Variants in ARFIP1 observed in about 807,000 individuals in gnomAD.
ARFIP1 encodes the protein ARF interacting protein 1.
A neutral mutation model predicts 42.5 loss-of-function variants in ARFIP1; 24 were observed. That is an observed-to-expected ratio of 0.57 (90% CI 0.41 to 0.80). The LOEUF is 0.80. Among genes scored for constraint, ARFIP1 ranks in the 30% least tolerant of loss-of-function variants. ARFIP1 has a pLI of 0.00. For synonymous variants in ARFIP1, 141 were observed against 153.7 expected, an observed-to-expected ratio of 0.92 and a Z score of 0.61; for missense variants, 354 against 434.0, an observed-to-expected ratio of 0.82 and a Z score of 1.64.
intron 2 of ARFIP1, among the ~76,000 whole-genome samples, chr4:152,853,534 T>C (rs995107557): frequency 6.6e-6 from 1 of 152,236 alleles, no homozygotes; most frequent in African/African-American, 2.4e-5. Context: ...GATAGTCTTA[T>C]GGGGGTTCCT....
chr4:152,905,544 T>TG (rs1738251617), intron 8 of ARFIP1, among the ~76,000 whole-genome samples: 1 of 134,068 alleles, frequency 7.5e-6, no homozygotes, highest in Non-Finnish European at 1.6e-5. Flanking sequence ...TTGTAAGAAT[T>TG]GTTTTTTTTT....
At chr4:152,852,607 A>G (rs1158971686) in intron 2 of ARFIP1, among the ~76,000 whole-genome samples, 1 of 151,886 alleles carries the variant, frequency 6.6e-6, no homozygotes, top group African/African-American at 2.4e-5. Context: ...CACTACAGCC[A>G]GGTGACAGAG....
intron 1 of ARFIP1, among the ~76,000 whole-genome samples, chr4:152,824,595 G>C (rs1413345278): frequency 1.3e-5 from 2 of 152,166 alleles, no homozygotes; most frequent in Non-Finnish European, 2.9e-5. Context: ...GCTGAACAAG[G>C]AGAAGCTGAA....
intron 8 of ARFIP1, among the ~76,000 whole-genome samples, chr4:152,889,799 A>G (rs1173935554): frequency 4.8e-5 from 5 of 104,484 alleles, no homozygotes; most frequent in Non-Finnish European, 5.4e-5. Flanking sequence ...ATTATATACT[A>G]TACTATATAC....
chr4:152,816,705 T>A (rs1352420669), intron 1 of ARFIP1, among the ~76,000 whole-genome samples: 1 of 152,242 alleles, frequency 6.6e-6, no homozygotes, highest in African/African-American at 2.4e-5. Flanking sequence ...CATCACAAAA[T>A]ATACTGTATG....
At chr4:152,787,657 A>G (rs1730888737) in intron 1 of ARFIP1, among the ~76,000 whole-genome samples, 2 of 152,272 alleles carry the variant, frequency 1.3e-5, no homozygotes, top group South Asian at 2.1e-4. Context: ...TTTGGATGGT[A>G]CAGTGTATAC....
At chr4:152,903,715 TA>T (rs1738037947) in intron 8 of ARFIP1, among the ~76,000 whole-genome samples, 1 of 152,120 alleles carries the variant, frequency 6.6e-6, no homozygotes, top group Non-Finnish European at 1.5e-5. Context: ...TCCCATGGAT[TA>T]AGTTGCATTG....
At chr4:152,861,179 G>A (rs992671898) in intron 2 of ARFIP1, among the ~76,000 whole-genome samples, 1 of 152,150 alleles carries the variant, frequency 6.6e-6, no homozygotes, top group Non-Finnish European at 1.5e-5. Flanking sequence ...TAGAGATTCA[G>A]CATGCTCTGG....
At chr4:152,795,820 ATTTTTTTTTTTTTTTTTTT>A (rs56845391) in intron 1 of ARFIP1, among the ~76,000 whole-genome samples, 58 of 28,078 alleles carry the variant, frequency 2.1e-3, no homozygotes, top group African/African-American at 8.0e-3. Flanking sequence ...GGCCCTTGTA[ATTTTTTTTTTTTTTTTTTT>A]TTTTTTTTTT....
In ARFIP1 at chr4:152,829,802, A is replaced by G. The variant is rs540170800; in HGVS notation, c.93+76A>G. On this transcript the variant is annotated intron_variant, in intron 2 of 8. Coordinates refer to ENST00000353617, the MANE Select transcript of ARFIP1 (RefSeq NM_001025595.3). ...AATGTTGAGATGAAAGTAATAGACA[A>G]AATTTAATATAGGATTGTTTTCTTA... 603 of 1,141,628 alleles carry G rather than the reference A, an allele frequency of 5.3e-4. 2 individuals carry two copies. The highest frequency in any genetic ancestry group is 1.9e-3 in the South Asian group (108 of 56,626). 70.7% of individuals were successfully genotyped at this position (1,141,628 alleles called of 1,614,324 possible).
intron 5 of ARFIP1, among the ~76,000 whole-genome samples, chr4:152,874,268 A>G (rs1386154712): frequency 6.6e-6 from 1 of 152,256 alleles, no homozygotes; most frequent in Non-Finnish European, 1.5e-5. Flanking sequence ...TGTGTTAATG[A>G]AAATGACAAC....
intron 1 of ARFIP1, among the ~76,000 whole-genome samples, chr4:152,800,494 G>GA (rs892225927): frequency 4.6e-5 from 7 of 152,104 alleles, no homozygotes; most frequent in Admixed American, 6.5e-5. Flanking sequence ...AAACTGTATA[G>GA]AAAAAAACTA....
At chr4:152,877,741 A>G (rs1403120345) in intron 5 of ARFIP1, among the ~76,000 whole-genome samples, 2 of 152,160 alleles carry the variant, frequency 1.3e-5, no homozygotes, top group Non-Finnish European at 2.9e-5. Context: ...AGGGAGAGGT[A>G]ATTGAATCAT....
chr4:152,805,572 T>G (rs1297348460), intron 1 of ARFIP1, among the ~76,000 whole-genome samples: 1 of 152,250 alleles, frequency 6.6e-6, no homozygotes, highest in Non-Finnish European at 1.5e-5. Flanking sequence ...TTTGATATCT[T>G]TCTTCGTAAC....
At chr4:152,833,242 CAA>C (rs141860697) in intron 2 of ARFIP1, among the ~76,000 whole-genome samples, 2 of 136,262 alleles carry the variant, frequency 1.5e-5, no homozygotes, top group Non-Finnish European at 1.6e-5. Flanking sequence ...AGACATTTTT[CAA>C]AAAAAAAAAA....
chr4:152,878,445 G>A (rs1297969157), intron 5 of ARFIP1, among the ~76,000 whole-genome samples: 1 of 152,148 alleles, frequency 6.6e-6, no homozygotes, highest in African/African-American at 2.4e-5. Context: ...TGATGAGTTG[G>A]GAAATTGGTG....
At chr4:152,796,776 A>G (rs113005271) in intron 1 of ARFIP1, 7 of 718,988 alleles carry the variant, frequency 9.7e-6, no homozygotes, top group African/African-American at 7.2e-5. Context: ...TCTTTCTCTC[A>G]TGGTAATCCA....
chr4:152,783,120 C>A (rs1220890520), intron 1 of ARFIP1, among the ~76,000 whole-genome samples: 2 of 152,040 alleles, frequency 1.3e-5, no homozygotes, highest in Non-Finnish European at 2.9e-5. Context: ...CAAAACCTGG[C>A]CAACATGGTG....
intron 2 of ARFIP1, among the ~76,000 whole-genome samples, chr4:152,836,788 T>C (rs573745613): frequency 6.6e-6 from 1 of 152,298 alleles, no homozygotes; most frequent in African/African-American, 2.4e-5. Context: ...TATTTTTTAT[T>C]TTTATTTTTA....
Sources: allele counts gnomAD v4.1 joint callset (sites outside exome capture counted in the v4.1 genomes callset), GRCh38; gene constraint gnomAD v4.1.1; transcripts MANE v1.5; gene names NCBI Gene and HGNC (gene_info 2026-07-23, HGNC 2026-07-21).